Variants in AKAP6 observed in about 807,000 individuals in gnomAD.
AKAP6 encodes the protein A-kinase anchoring protein 6, also known as A-kinase anchor protein 6.
AKAP6 carries 58 observed loss-of-function variants against 188.5 expected under a neutral mutation model. The observed-to-expected ratio is 0.31, with a 90% CI of 0.25 to 0.38. The LOEUF is 0.38. AKAP6 is among the 10% of genes least tolerant of loss of function. AKAP6 has a pLI of 1.00. For synonymous variants in AKAP6, 989 were observed against 998.6 expected (o/e 0.99, Z 0.18); for missense variants, 2,710 against 2,740.0 (o/e 0.99, Z 0.24).
intron 10 of AKAP6, among the ~76,000 whole-genome samples, chr14:32,735,420 A>G (rs2139840961): frequency 6.6e-6 from 1 of 152,242 alleles, no homozygotes; most frequent in Admixed American, 6.5e-5. Context: ...ATCCGCTGGT[A>G]CTCAGAACAA....
At chr14:32,409,909 C>T (rs761048546) in intron 1 of AKAP6, among the ~76,000 whole-genome samples, 5 of 152,028 alleles carry the variant, frequency 3.3e-5, no homozygotes, top group Non-Finnish European at 5.9e-5. Context: ...CCAAATCCTA[C>T]CTAAGGAACC....
At chr14:32,814,948 T>C (rs529829660) in intron 12 of AKAP6, among the ~76,000 whole-genome samples, 1 of 152,292 alleles carries the variant, frequency 6.6e-6, no homozygotes, top group Non-Finnish European at 1.5e-5. Flanking sequence ...TTTTAAGTAC[T>C]GGGGCTCTAG....
intron 4 of AKAP6, among the ~76,000 whole-genome samples, chr14:32,559,787 T>C (rs1312748910): frequency 6.7e-6 from 1 of 150,270 alleles, no homozygotes; most frequent in Non-Finnish European, 1.5e-5. Flanking sequence ...CCTAATCTTT[T>C]TTTTTTTTTT....
intron 1 of AKAP6, among the ~76,000 whole-genome samples, chr14:32,428,755 C>T (rs748243074): frequency 1.4e-4 from 21 of 152,274 alleles, no homozygotes; most frequent in Admixed American, 3.3e-4. Flanking sequence ...ATTCTGCTAG[C>T]GTCAAGCTCC....
chr14:32,800,163 CACATATATATACAT>C (rs2033903330), intron 12 of AKAP6, among the ~76,000 whole-genome samples: 1 of 52,688 alleles, frequency 1.9e-5, no homozygotes, highest in Non-Finnish European at 4.3e-5. Context: ...CATATATATA[CACATATATATACAT>C]ATATATATAC....
At chr14:32,486,984 A>G (rs1879730900) in intron 2 of AKAP6, among the ~76,000 whole-genome samples, 1 of 152,210 alleles carries the variant, frequency 6.6e-6, no homozygotes, top group Non-Finnish European at 1.5e-5. Context: ...ATTGTGAGAA[A>G]TGCTCCATCA....
chr14:32,414,634 G>A (rs1889598236), intron 1 of AKAP6, among the ~76,000 whole-genome samples: 1 of 152,154 alleles, frequency 6.6e-6, no homozygotes, highest in Admixed American at 6.6e-5. Flanking sequence ...CTGACTTGAA[G>A]TAGCTCTACT....
Position 32,821,703 on chromosome 14 carries a change from A to T in AKAP6, c.3890A>T (p.Tyr1297Phe). 2 of 1,613,788 alleles carry T rather than the reference A, an allele frequency of 1.2e-6. No homozygotes were observed. Among genetic ancestry groups the T allele is most frequent in the Middle Eastern group, 3.3e-4 (2 of 6,062 alleles). ...QVYSLHNVEL[Y>F]EDNHMPFLKN... ...TACAGCCTCCACAATGTTGAACTCT[A>T]TGAGGACAACCACATGCCATTTCTG... Residue 1297 changes from tyrosine to phenylalanine, a missense_variant, in exon 13 of 14, where the codon TAT becomes TTT. By Grantham distance (22) the Tyr-to-Phe change is conservative. Around this residue, in one of 2 missense-constraint regions of AKAP6, gnomAD observed 2,473 missense variants for 2,426.1 expected, o/e 1.02. Transcript: ENST00000280979.
chr14:32,414,473 C>T (rs1889592246), intron 1 of AKAP6, among the ~76,000 whole-genome samples: 1 of 152,088 alleles, frequency 6.6e-6, no homozygotes, highest in African/African-American at 2.4e-5. Flanking sequence ...TTACATGACC[C>T]ATGTTTCAGG....
intron 1 of AKAP6, among the ~76,000 whole-genome samples, chr14:32,393,584 T>G (rs560029659): frequency 6.6e-6 from 1 of 152,290 alleles, no homozygotes; most frequent in African/African-American, 2.4e-5. Context: ...GTACTGTGGT[T>G]GTATAAGATG....
intron 1 of AKAP6, among the ~76,000 whole-genome samples, chr14:32,401,726 T>C (rs1405989528): frequency 6.6e-6 from 1 of 152,260 alleles, no homozygotes; most frequent in Non-Finnish European, 1.5e-5. Flanking sequence ...CCTTAGACTT[T>C]AATTCTAATT....
At chr14:32,827,952 T>C (rs543367872) in intron 13 of AKAP6, among the ~76,000 whole-genome samples, 4 of 152,264 alleles carry the variant, frequency 2.6e-5, no homozygotes, top group Admixed American at 2.6e-4. Flanking sequence ...ATTTGGGGTT[T>C]TGTTTTACTA....
chr14:32,386,432 G>A lies in AKAP6; in HGVS notation c.-34-47028G>A, dbSNP rs908672700. ...TGATAATTGTCTCTTCGTATCCTTAGCCCACTTTTTAATAGGATTGTTTCT... is the reference window on the plus strand; with the variant it reads ...TGATAATTGTCTCTTCGTATCCTTAACCCACTTTTTAATAGGATTGTTTCT... On this transcript the variant is annotated intron_variant, in intron 1 of 13. Coordinates refer to ENST00000280979, the MANE Select transcript of AKAP6 (RefSeq NM_004274.5). 9.2e-5 allele frequency among the ~76,000 whole-genome samples: 14 copies of A among 151,926 alleles called. No individual in the cohort carries two copies. The East Asian group carries it at 2.7e-3, about 29-fold the overall frequency.
intron 1 of AKAP6, among the ~76,000 whole-genome samples, chr14:32,368,884 A>C (rs912523166): frequency 2.7e-4 from 41 of 151,994 alleles, no homozygotes; most frequent in Non-Finnish European, 4.6e-4. Context: ...AAGAAGAAAA[A>C]AAAAACAAAA....
rs12896446 is a variant in AKAP6 at position 32,836,293 on chromosome 14, T to G, written c.*6488T>G. 58,169 of 151,500 alleles carry G rather than the reference T, an allele frequency of 0.38. 12,432 individuals are homozygous for G. Among genetic ancestry groups the G allele is most frequent in the Non-Finnish European group, 0.48 (32,852 of 68,034 alleles). The allele number at this position is 151,500 out of a possible 1,614,324, so 9.4% of individuals were successfully genotyped here. On this transcript the variant is annotated 3_prime_UTR_variant, in exon 14 of 14. Coordinates refer to ENST00000280979, the MANE Select transcript of AKAP6 (RefSeq NM_004274.5). ...ATTCAGTGTCTGAGGAGGGCTCACT[T>G]TCTGTTTCATTGATGCACCTTACTG... is the stretch of plus-strand genomic sequence containing the variant.
At chr14:32,452,565 T>G (rs1890977344) in intron 2 of AKAP6, among the ~76,000 whole-genome samples, 1 of 152,120 alleles carries the variant, frequency 6.6e-6, no homozygotes, top group Non-Finnish European at 1.5e-5. Context: ...ATTCCAGCAC[T>G]TGGGGAGGCT....
chr14:32,409,586 A>C (rs764818565), intron 1 of AKAP6, among the ~76,000 whole-genome samples: 2 of 152,284 alleles, frequency 1.3e-5, no homozygotes, highest in Middle Eastern at 3.4e-3. Flanking sequence ...AGGTTGACAG[A>C]TGGCTTCTGA....
Position 32,465,793 on chromosome 14 carries a change from C to T in AKAP6, c.324+31976C>T, listed in dbSNP as rs184150003. The stretch of plus-strand genomic sequence containing the variant: ...AGAAATTATCATCAGCATGAACAGG[C>T]GACCTAAGAATGGGAGAAAATTTTT... On this transcript the variant is annotated intron_variant, in intron 2 of 13. Coordinates refer to ENST00000280979, the MANE Select transcript of AKAP6 (RefSeq NM_004274.5). Among the ~76,000 whole-genome samples, 27 of 152,182 alleles carry T rather than the reference C, an allele frequency of 1.8e-4. No homozygotes were observed. In the East Asian group the frequency reaches 2.7e-3, roughly 15 times the overall value.
chr14:32,662,510 G>T (rs1385415261), intron 7 of AKAP6, among the ~76,000 whole-genome samples: 1 of 152,074 alleles, frequency 6.6e-6, no homozygotes, highest in African/African-American at 2.4e-5. Context: ...TCTCCTCGTG[G>T]TGTGTCTCTT....
Sources: allele counts gnomAD v4.1 joint callset (sites outside exome capture counted in the v4.1 genomes callset), GRCh38; gene constraint gnomAD v4.1.1; regional missense constraint gnomAD v4.1.1; transcripts MANE v1.5; gene names NCBI Gene and HGNC (gene_info 2026-07-23, HGNC 2026-07-21).